DCP1B: variants seen among roughly 807,000 people sequenced by gnomAD.
DCP1B encodes the protein mRNA-decapping enzyme 1B.
A neutral mutation model predicts 60.5 loss-of-function variants in DCP1B; 47 were observed. The observed-to-expected ratio is 0.78, with a 90% CI of 0.61 to 0.99. The LOEUF (loss-of-function observed/expected upper bound fraction) is 0.99, where lower values mean the gene tolerates loss of function less well. Ranked by LOEUF, DCP1B falls within the 50% of genes least tolerant of loss-of-function variation. The probability of loss-of-function intolerance (pLI) is 0.00; values close to 1 mark genes in which losing one functional copy is unlikely to be tolerated. For missense variants in DCP1B, 725 were observed against 756.8 expected (o/e 0.96, Z 0.49); for synonymous variants, 267 against 280.3 (o/e 0.95, Z 0.47).
chr12:1,998,034 T>C, intron 1 of DCP1B, 59 bp from the exon 2 acceptor site: 1 of 1,459,174 alleles, frequency 6.9e-7, no homozygotes, highest in South Asian at 1.3e-5. Flanking sequence ...CACAAAGGTA[T>C]AAAACAAATT....
intron 3 of DCP1B, among the ~76,000 whole-genome samples, chr12:1,969,811 T>G (rs2154457431): frequency 6.6e-6 from 1 of 152,282 alleles, no homozygotes; most frequent in Middle Eastern, 3.4e-3. Flanking sequence ...AATCTGAGTA[T>G]GTTTGCGTGT....
intron 6 of DCP1B, 38 bp from the exon 7 acceptor site, chr12:1,953,326 C>T (rs1240107543): frequency 2.6e-6 from 4 of 1,519,914 alleles, no homozygotes; most frequent in Non-Finnish European, 3.5e-6. Context: ...AGTCTACAAA[C>T]AATTTGGTTA....
chr12:1,955,829 A>T (rs1462432664), intron 5 of DCP1B, among the ~76,000 whole-genome samples: 2 of 152,090 alleles, frequency 1.3e-5, no homozygotes, highest in South Asian at 4.1e-4. Context: ...AGACACCTGT[A>T]TAATTGAAAG....
chr12:1,973,804 G>A (rs573581874), intron 3 of DCP1B, among the ~76,000 whole-genome samples: 1 of 152,072 alleles, frequency 6.6e-6, no homozygotes, highest in Non-Finnish European at 1.5e-5. Context: ...TGCTTTGTTG[G>A]CCACTTAAAT....
chr12:1,983,974 T>C (rs748960779), intron 3 of DCP1B, among the ~76,000 whole-genome samples: 8 of 152,130 alleles, frequency 5.3e-5, no homozygotes, highest in Non-Finnish European at 1.0e-4. Context: ...TATATCATTA[T>C]GCAATGTCGT....
At position 1,946,213 on chromosome 12, in the gene DCP1B, G is replaced by A. The variant is rs374613285; in HGVS notation, c.1847C>T (p.Thr616Ile). Residue 616 changes from threonine (T) to isoleucine (I), a missense_variant, in exon 9 of 9, where the codon ACT (threonine) becomes ATT (isoleucine). Transcript: ENST00000280665. ...TTTTAAAAGGCCTTGCTGTCACATA[G>A]TCTTTTTCATGGCTGCTTGAGTCAT... The part of the protein sequence containing the change: ...FSMTQAAMKK[T>I]M The A allele has an allele frequency of 2.6e-5, 41 of 1,602,328 alleles. No individual in the cohort carries two copies. Among genetic ancestry groups the A allele is most frequent in the Non-Finnish European group, 3.3e-5 (39 of 1,175,310 alleles).
intron 6 of DCP1B, among the ~76,000 whole-genome samples, chr12:1,954,733 A>G (rs369180759): frequency 6.6e-6 from 1 of 152,290 alleles, no homozygotes; most frequent in East Asian, 1.9e-4. Flanking sequence ...GAAGTGCTCA[A>G]ATCAACTCTG....
chr12:1,960,580 G>A (rs1008409703), intron 5 of DCP1B, among the ~76,000 whole-genome samples: 1 of 152,122 alleles, frequency 6.6e-6, no homozygotes, highest in Non-Finnish European at 1.5e-5. Flanking sequence ...TAATACATGT[G>A]TTAATTAGCT....
At chr12:1,987,732 C>T (rs2038206423) in intron 3 of DCP1B, among the ~76,000 whole-genome samples, 1 of 152,194 alleles carries the variant, frequency 6.6e-6, no homozygotes, top group South Asian at 2.1e-4. Flanking sequence ...CACACACATA[C>T]AACCCCATCC....
downstream of DCP1B, among the ~76,000 whole-genome samples, chr12:1,943,351 C>G (rs1253494601): frequency 6.6e-6 from 1 of 152,192 alleles, no homozygotes; most frequent in Non-Finnish European, 1.5e-5. Context: ...TGAATTCTAC[C>G]AGAGGTACAA....
At chr12:1,950,111 G>A (rs2030607850) in intron 7 of DCP1B, 3 of 527,550 alleles carry the variant, frequency 5.7e-6, no homozygotes, top group Non-Finnish European at 6.8e-6. Flanking sequence ...ATCAGCCTCC[G>A]AACTCCCCGA....
In DCP1B at chr12:1,962,053, C is replaced by T. The variant is rs1014823604; in HGVS notation, c.522+3505G>A. The stretch of plus-strand genomic sequence containing the variant: ...ACGTGTGGAAGCCTCAGGGTGTCAG[C>T]AGCAAGGGGAAGGCGTAGGCTAGAG... On this transcript the variant is annotated intron_variant, in intron 5 of 8. Transcript: ENST00000280665. The surrounding 1 kb of genome is among the most constrained non-coding windows in gnomAD (Gnocchi z 4.4). 5.3e-5 allele frequency among the ~76,000 whole-genome samples: 8 copies of T among 152,148 alleles called. No individual in the cohort carries two copies. The highest frequency in any genetic ancestry group is 4.6e-4 in the Admixed American group (7 of 15,272).
chr12:1,954,450 T>G (rs907386515), intron 6 of DCP1B, among the ~76,000 whole-genome samples: 1 of 152,170 alleles, frequency 6.6e-6, no homozygotes, highest in Non-Finnish European at 1.5e-5. Context: ...ATAGTCATGA[T>G]AAAATGACAC....
intron 1 of DCP1B, among the ~76,000 whole-genome samples, chr12:1,999,849 A>G (rs1326125547): frequency 6.6e-6 from 1 of 152,218 alleles, no homozygotes; most frequent in Non-Finnish European, 1.5e-5. Flanking sequence ...TGTATAAATC[A>G]CCACAACATA....
In DCP1B at chr12:1,986,003, T is replaced by C. The variant is rs562457209; in HGVS notation, c.319+7261A>G. Among the ~76,000 whole-genome samples, 844 of 152,158 alleles carry C rather than the reference T, an allele frequency of 5.5e-3. 6 individuals are homozygous for C. The highest frequency in any genetic ancestry group is 8.0e-3 in the Non-Finnish European group (543 of 67,964). ...TTTTGTTTTGTATTTTTAGTAGAGA[T>C]GGAGTTTCACCGTGTTAGCCAGGAT... On this transcript the variant is annotated intron_variant, in intron 3 of 8. Transcript: ENST00000280665.
intron 3 of DCP1B, chr12:1,991,340 A>G (rs1196066881): frequency 2.4e-6 from 1 of 424,220 alleles, no homozygotes; most frequent in African/African-American, 2.1e-5. Context: ...CGGAAACATA[A>G]AATAAAATAT....
rs1330848275 is a variant in DCP1B at position 1,971,960 on chromosome 12, C to T, written c.320-4050G>A. Among the ~76,000 whole-genome samples the T allele has an allele frequency of 6.6e-6, 1 of 152,158 alleles. No homozygotes were observed. The highest frequency in any genetic ancestry group is 6.5e-5 in the Admixed American group (1 of 15,282). On this transcript the variant is annotated intron_variant, in intron 3 of 8. Coordinates refer to ENST00000280665, the MANE Select transcript of DCP1B (RefSeq NM_152640.5). This position sits in a 1 kb window ranked among gnomAD's most constrained non-coding sequence, Gnocchi z 4.2. ...AAATTTTTAAAAGAAGATATATATC[C>T]ATTCAATTAGGAAGTGGATGATAAA... is the stretch of plus-strand genomic sequence containing the variant.
At chr12:1,966,790 T>C (rs1271035052) in intron 4 of DCP1B, among the ~76,000 whole-genome samples, 1 of 152,268 alleles carries the variant, frequency 6.6e-6, no homozygotes, top group African/African-American at 2.4e-5. Flanking sequence ...ATCTGCACCT[T>C]GAGCTAGTTA....
intron 7 of DCP1B, 144 bp downstream of exon 7, chr12:1,952,272 C>T (rs111994248): frequency 0.033 from 34,136 of 1,032,690 alleles, 691 homozygotes; most frequent in Middle Eastern, 0.071. Flanking sequence ...CTCTTGAGCT[C>T]AAGGGATCCT....
Sources: allele counts gnomAD v4.1 joint callset (sites outside exome capture counted in the v4.1 genomes callset), GRCh38; gene constraint gnomAD v4.1.1; non-coding constraint Gnocchi (gnomAD v3.1); transcripts MANE v1.5; gene names NCBI Gene and HGNC (gene_info 2026-07-23, HGNC 2026-07-21).